The following SLC14A2 variants were observed in gnomAD, a reference collection of about 807,000 sequenced individuals.
SLC14A2 encodes solute carrier family 14 member 2, also known as urea transporter 2.
In SLC14A2, 91 loss-of-function variants were observed where a neutral mutation model predicts 104.6. The observed-to-expected ratio is 0.87, with a 90% CI of 0.73 to 1.04. The LOEUF is 1.04. SLC14A2 is among the 50% of genes least tolerant of loss of function. The probability of loss-of-function intolerance (pLI) is 0.00; values close to 1 mark genes in which losing one functional copy is unlikely to be tolerated. For synonymous variants in SLC14A2, 476 were observed against 466.4 expected (o/e 1.02, Z -0.27); for missense variants, 1,189 against 1,156.0 (o/e 1.03, Z -0.41).
intron 1 of SLC14A2, among the ~76,000 whole-genome samples, chr18:45,308,313 G>A (rs2085044614): frequency 1.3e-5 from 2 of 152,288 alleles, no homozygotes; most frequent in South Asian, 4.1e-4. Flanking sequence ...AGCTGAAGAA[G>A]TCAAGATCTA....
chr18:45,223,469 G>A (rs1001900850), intron 1 of SLC14A2, among the ~76,000 whole-genome samples: 1 of 152,078 alleles, frequency 6.6e-6, no homozygotes, highest in Non-Finnish European at 1.5e-5. Context: ...AAATAATTAG[G>A]GAAAACCAAA....
chr18:45,421,342 G>C (rs2086345831), intron 1 of SLC14A2, among the ~76,000 whole-genome samples: 1 of 149,150 alleles, frequency 6.7e-6, no homozygotes, highest in Admixed American at 6.7e-5. Context: ...AACCCTCTTT[G>C]CATTCATAGT....
chr18:45,216,723 G>A (rs1056907180), intron 1 of SLC14A2, among the ~76,000 whole-genome samples: 2 of 152,144 alleles, frequency 1.3e-5, no homozygotes, highest in Non-Finnish European at 2.9e-5. Flanking sequence ...TAGGGGGGCC[G>A]AGCAGCAGTC....
chr18:45,219,362 T>C (rs2084040226), intron 1 of SLC14A2, among the ~76,000 whole-genome samples: 1 of 152,222 alleles, frequency 6.6e-6, no homozygotes, highest in Admixed American at 6.5e-5. Context: ...AAATAAAATT[T>C]CTTCTACAGT....
chr18:45,540,779 G>A (rs1271308643), intron 2 of SLC14A2, among the ~76,000 whole-genome samples: 1 of 152,068 alleles, frequency 6.6e-6, no homozygotes, highest in Non-Finnish European at 1.5e-5. Flanking sequence ...ATCTGCCAGG[G>A]TGGAAGCTCC....
chr18:45,591,034 C>CCTCCCCA (rs1356668073), intron 2 of SLC14A2, among the ~76,000 whole-genome samples: 1 of 152,130 alleles, frequency 6.6e-6, no homozygotes, highest in East Asian at 1.9e-4. Flanking sequence ...TTGCCACCAC[C>CCTCCCCA]CTCCCCACTC....
intron 2 of SLC14A2, among the ~76,000 whole-genome samples, chr18:45,584,259 A>AAATG: frequency 6.6e-6 from 1 of 152,338 alleles, no homozygotes; most frequent in African/African-American, 2.4e-5. Flanking sequence ...CTTCAGGCAG[A>AAATG]AATGGTACTT....
chr18:45,628,776 G>A (rs2045301221), intron 4 of SLC14A2, among the ~76,000 whole-genome samples: 1 of 152,126 alleles, frequency 6.6e-6, no homozygotes, highest in South Asian at 2.1e-4. Flanking sequence ...ATTTATGTTG[G>A]GGATGTGTGC....
At chr18:45,362,781 A>C (rs879546581) in intron 1 of SLC14A2, among the ~76,000 whole-genome samples, 1 of 152,230 alleles carries the variant, frequency 6.6e-6, no homozygotes, top group Non-Finnish European at 1.5e-5. Flanking sequence ...CTGCTGCAGA[A>C]ACTTTTATCC....
chr18:45,625,023 C>G (rs2045236985), intron 2 of SLC14A2, among the ~76,000 whole-genome samples: 1 of 152,206 alleles, frequency 6.6e-6, no homozygotes, highest in Non-Finnish European at 1.5e-5. Flanking sequence ...GTACAGAATA[C>G]AGACACTCAC....
chr18:45,640,727 A>G (rs1411798640), intron 7 of SLC14A2, among the ~76,000 whole-genome samples: 1 of 152,212 alleles, frequency 6.6e-6, no homozygotes, highest in African/African-American at 2.4e-5. Flanking sequence ...AATATGAGGC[A>G]TCTGTAAATT....
At chr18:45,253,256 T>A (rs1436230967) in intron 1 of SLC14A2, among the ~76,000 whole-genome samples, 1 of 152,074 alleles carries the variant, frequency 6.6e-6, no homozygotes, top group Non-Finnish European at 1.5e-5. Flanking sequence ...GAACACTTGC[T>A]CCAACACAGG....
the SLC14A2 span, among the ~76,000 whole-genome samples, chr18:45,198,861 GA>G: frequency 7.0e-6 from 1 of 142,166 alleles, no homozygotes; most frequent in African/African-American, 2.5e-5. Context: ...AAGATAAAGA[GA>G]AGCATATTTT....
chr18:45,585,542 T>C (rs1377976063), intron 2 of SLC14A2, among the ~76,000 whole-genome samples: 1 of 152,238 alleles, frequency 6.6e-6, no homozygotes, highest in Non-Finnish European at 1.5e-5. Flanking sequence ...ATTAGCATTC[T>C]ACCAGAGAAG....
chr18:45,515,254 T>C (rs1225202210), intron 2 of SLC14A2, among the ~76,000 whole-genome samples: 2 of 152,252 alleles, frequency 1.3e-5, no homozygotes, highest in East Asian at 3.8e-4. Context: ...TTAAAGTAAC[T>C]GCTTTGTCAT....
intron 2 of SLC14A2, among the ~76,000 whole-genome samples, chr18:45,510,152 C>T (rs889580538): frequency 1.3e-5 from 2 of 152,098 alleles, no homozygotes; most frequent in South Asian, 2.1e-4. Flanking sequence ...AAATTAGGGG[C>T]ATGGAAGTGA....
intron 2 of SLC14A2, among the ~76,000 whole-genome samples, chr18:45,606,734 TAAAAAAA>T (rs781251287): frequency 1.7e-4 from 13 of 76,614 alleles, no homozygotes; most frequent in African/African-American, 4.7e-4. Flanking sequence ...AAAGTCTAAT[TAAAAAAA>T]AAAAAACAAA....
At chr18:45,572,934 C>T (rs989225078) in intron 2 of SLC14A2, among the ~76,000 whole-genome samples, 1 of 152,154 alleles carries the variant, frequency 6.6e-6, no homozygotes, top group African/African-American at 2.4e-5. Flanking sequence ...GTTAAGACGA[C>T]CTTATGAAGC....
intron 1 of SLC14A2, among the ~76,000 whole-genome samples, chr18:45,338,527 C>A (rs563342365): frequency 6.6e-6 from 1 of 151,670 alleles, no homozygotes; most frequent in Non-Finnish European, 1.5e-5. Flanking sequence ...TTAGCTGAAC[C>A]AATGTATACC....
Sources: allele counts gnomAD v4.1 joint callset (sites outside exome capture counted in the v4.1 genomes callset), GRCh38; gene constraint gnomAD v4.1.1; transcripts MANE v1.5; gene names NCBI Gene and HGNC (gene_info 2026-07-23, HGNC 2026-07-21).